Variants in PLEKHM2 observed in about 807,000 individuals in gnomAD.
PLEKHM2 encodes pleckstrin homology and RUN domain containing M2, also known as pleckstrin homology domain-containing family M member 2.
A neutral mutation model predicts 116.3 loss-of-function variants in PLEKHM2; 77 were observed. That is an observed-to-expected ratio of 0.66 (90% CI 0.55 to 0.80). The LOEUF (loss-of-function observed/expected upper bound fraction) is 0.80. PLEKHM2 is among the 30% of genes least tolerant of loss of function. PLEKHM2 has a pLI of 0.00. For missense variants in PLEKHM2, 1,183 were observed against 1,354.9 expected (o/e 0.87, Z 1.99); for synonymous variants, 562 against 571.0 (o/e 0.98, Z 0.22).
chr1:15,706,878 G>T (rs1392595743), intron 1 of PLEKHM2, among the ~76,000 whole-genome samples: 1 of 152,200 alleles, frequency 6.6e-6, no homozygotes. Context: ...GTAACTGTGT[G>T]TTGAAATATG....
rs777978801 is a variant in PLEKHM2, at chr1:15,727,422, G to A, written c.1350G>A (p.Pro450=). ...GSPGDAPERP[P]LCDFSEGLSA... ...CCGGGGATGCCCCGGAGAGGCCGCC[G>A]CTTTGCGACTTTAGTGAGGGGCTTT... Residue 450 remains proline (P), a synonymous_variant, in exon 9 of 20, where the codon CCG becomes CCA. Coordinates refer to ENST00000375799, the MANE Select transcript of PLEKHM2 (RefSeq NM_015164.4). The surrounding 1 kb of genome is among the most constrained non-coding windows in gnomAD (Gnocchi z 7.5). 45 of 1,606,030 alleles carry A rather than the reference G, an allele frequency of 2.8e-5. No homozygotes were observed. The East Asian group carries it at 8.5e-4, about 30-fold the overall frequency.
chr1:15,722,203 G>A (rs1363160687), intron 7 of PLEKHM2, among the ~76,000 whole-genome samples: 5 of 152,220 alleles, frequency 3.3e-5, no homozygotes, highest in African/African-American at 1.2e-4. Context: ...GAGTGCAGTG[G>A]TGTGATCTTG....
At chr1:15,708,909 T>C (rs952065170) in intron 1 of PLEKHM2, among the ~76,000 whole-genome samples, 10 of 152,238 alleles carry the variant, frequency 6.6e-5, no homozygotes, top group African/African-American at 2.4e-4. Flanking sequence ...ATTTGTTAAG[T>C]GTTTACGATG....
intron 19 of PLEKHM2, among the ~76,000 whole-genome samples, 192 bp from the exon 20 acceptor site, chr1:15,733,605 C>T (rs1362948385): frequency 6.6e-6 from 1 of 152,238 alleles, no homozygotes; most frequent in East Asian, 1.9e-4. Context: ...CGGGGGGCAC[C>T]ACCCCATCCT....
At chr1:15,714,377 C>A (rs1244561195) in intron 1 of PLEKHM2, among the ~76,000 whole-genome samples, 1 of 151,426 alleles carries the variant, frequency 6.6e-6, no homozygotes, top group South Asian at 2.1e-4. Flanking sequence ...AAAGCTCTAC[C>A]CCAGTGTGGT....
chr1:15,725,216 A>G, intron 7 of PLEKHM2, 101 bp from the exon 8 acceptor site: 7 of 785,424 alleles, frequency 8.9e-6, no homozygotes, highest in Middle Eastern at 3.2e-4. Flanking sequence ...CCCTGGGAGG[A>G]ACTGGCCAGC....
intron 1 of PLEKHM2, among the ~76,000 whole-genome samples, chr1:15,705,040 C>G (rs1288928319): frequency 6.6e-6 from 1 of 152,070 alleles, no homozygotes. Flanking sequence ...TAACGCAGCC[C>G]TGGCGGCTCA....
intron 1 of PLEKHM2, among the ~76,000 whole-genome samples, chr1:15,701,434 AAAAAAAG>A (rs569878310): frequency 1.5e-3 from 221 of 151,628 alleles, no homozygotes; most frequent in African/African-American, 5.1e-3. Context: ...ACTCCATCTC[AAAAAAAG>A]AAAAAAGAAA....
At chr1:15,685,541 G>GAAAAAAAAAAAAAAAAAAAAAAA (rs200301672) in intron 1 of PLEKHM2, among the ~76,000 whole-genome samples, 8 of 73,480 alleles carry the variant, frequency 1.1e-4, no homozygotes, top group African/African-American at 1.8e-4. Context: ...CTCAGAAACT[G>GAAAAAAAAAAAAAAAAAAAAAAA]AAAAAAAAAA....
chr1:15,691,183 C>T (rs1008146324), intron 1 of PLEKHM2, among the ~76,000 whole-genome samples: 1 of 152,188 alleles, frequency 6.6e-6, no homozygotes, highest in Non-Finnish European at 1.5e-5. Context: ...GATTCTCCCG[C>T]CTCAGCCACC....
At chr1:15,686,375 C>T (rs1468894213) in intron 1 of PLEKHM2, among the ~76,000 whole-genome samples, 1 of 152,176 alleles carries the variant, frequency 6.6e-6, no homozygotes, top group African/African-American at 2.4e-5. Flanking sequence ...AAATTAATAA[C>T]CCTGTAACCT....
At chr1:15,704,834 C>T (rs1373452839) in intron 1 of PLEKHM2, among the ~76,000 whole-genome samples, 1 of 152,228 alleles carries the variant, frequency 6.6e-6, no homozygotes. Context: ...GGAGCACATA[C>T]TGCCCACGTT....
chr1:15,724,465 G>A (rs1467549521), intron 7 of PLEKHM2, among the ~76,000 whole-genome samples: 5 of 151,122 alleles, frequency 3.3e-5, no homozygotes, highest in South Asian at 2.1e-4. Context: ...CCTGGCGACA[G>A]AGAGAGACTC....
Position 15,718,613 on chromosome 1 carries a change from C to T in PLEKHM2, c.453C>T (p.Phe151=), listed in dbSNP as rs754565189. Residue 151 remains phenylalanine (F), a synonymous_variant, in exon 5 of 20, where the codon TTC becomes TTT. Coordinates refer to ENST00000375799, the MANE Select transcript of PLEKHM2 (RefSeq NM_015164.4). ...TGTCCGGGCTAGAGTTCATTCGTTT[C>T]GAGCTGGATCTGGTGAGACACCAGG... ...TLVSGLEFIR[F]ELDLDAPYLD... The T allele has an allele frequency of 1.9e-5, 28 of 1,466,154 alleles. No homozygotes were observed. In the East Asian group the frequency reaches 2.1e-4, roughly 11 times the overall value. The allele number at this position is 1,466,154 out of a possible 1,614,324, so 90.8% of individuals were successfully genotyped here.
At chr1:15,682,643 C>A (rs10927824), upstream of PLEKHM2, among the ~76,000 whole-genome samples, 47,963 of 97,196 alleles carry the variant, frequency 0.49, 8,824 homozygotes, top group East Asian at 0.61. Context: ...CAAAACAAAA[C>A]AAAAAAAACA....
intron 1 of PLEKHM2, among the ~76,000 whole-genome samples, chr1:15,698,673 A>G (rs998477790): frequency 1.3e-5 from 2 of 149,542 alleles, no homozygotes; most frequent in Admixed American, 1.3e-4. Context: ...TCAGCCTCCC[A>G]AGTAGCTGGG....
At chr1:15,689,892 G>A (rs1383529233) in intron 1 of PLEKHM2, among the ~76,000 whole-genome samples, 2 of 152,122 alleles carry the variant, frequency 1.3e-5, no homozygotes, top group Non-Finnish European at 2.9e-5. Flanking sequence ...AAGTAGCTGG[G>A]ATTACAGGCA....
chr1:15,690,190 C>T (rs1640862632), intron 1 of PLEKHM2, among the ~76,000 whole-genome samples: 1 of 151,776 alleles, frequency 6.6e-6, no homozygotes, highest in Non-Finnish European at 1.5e-5. Context: ...CCTCAACCTC[C>T]AAGTAGCTGG....
rs373711687 is a variant in PLEKHM2, at chr1:15,727,394, C to T, written c.1322C>T (p.Ser441Phe). 6.0e-5 allele frequency: 97 copies of T among 1,603,772 alleles called. No individual in the cohort carries two copies. The African/African-American group carries it at 1.1e-3, about 18-fold the overall frequency. Residue 441 changes from serine (S) to phenylalanine (F), a missense_variant, in exon 9 of 20, where the codon TCT becomes TTT. This residue lies in a region of PLEKHM2 where 372 missense variants were observed against 357.2 expected (regional missense o/e 1.04). Transcript: ENST00000375799. The surrounding 1 kb of genome is among the most constrained non-coding windows in gnomAD (Gnocchi z 7.5). ...CCAGACCAGTCCTTTCGGACCGGCT[C>T]TCCCGGGGATGCCCCGGAGAGGCCG... ...EPPDQSFRTG[S>F]PGDAPERPPL... is the part of the protein sequence containing the mutation.
Sources: gnomAD v4.1 joint callset for allele counts (sites outside exome capture counted in the v4.1 genomes callset) on GRCh38, gnomAD v4.1.1 for gene constraint, gnomAD v4.1.1 regional missense constraint, Gnocchi (gnomAD v3.1) non-coding constraint, MANE v1.5 for transcripts, NCBI Gene and HGNC (gene_info 2026-07-23, HGNC 2026-07-21) for gene names.